The following KCNG3 variants were observed in gnomAD, a reference collection of about 807,000 sequenced individuals.
KCNG3 encodes voltage-gated potassium channel regulatory subunit KCNG3.
Under a neutral mutation model 29.0 loss-of-function variants are expected in KCNG3, and 15 were observed. The ratio of observed to expected loss-of-function variants is 0.52; its 90% CI spans 0.35 to 0.80. The LOEUF (loss-of-function observed/expected upper bound fraction) is 0.80, where lower values mean the gene tolerates loss of function less well. Among genes scored for constraint, KCNG3 ranks in the 30% least tolerant of loss-of-function variants. The pLI, the probability that KCNG3 is intolerant of heterozygous loss-of-function variation, is 0.01. For synonymous variants in KCNG3, 322 were observed against 248.9 expected, an observed-to-expected ratio of 1.29 and a Z score of -2.76; for missense variants, 512 against 605.7, an observed-to-expected ratio of 0.85 and a Z score of 1.62.
intron 1 of KCNG3, among the ~76,000 whole-genome samples, chr2:42,480,019 T>A (rs1185545027): frequency 6.6e-6 from 1 of 152,074 alleles, no homozygotes; most frequent in Non-Finnish European, 1.5e-5. Context: ...CTGTCTCAAA[T>A]TAGAAAACAA....
chr2:42,459,227 G>C (rs905420800), intron 1 of KCNG3, among the ~76,000 whole-genome samples: 1 of 150,768 alleles, frequency 6.6e-6, no homozygotes, highest in Non-Finnish European at 1.5e-5. Context: ...GAGAGAGTGA[G>C]AAGACAGAAT....
At chr2:42,433,567 C>T in the KCNG3 span, among the ~76,000 whole-genome samples, 2 of 151,968 alleles carry the variant, frequency 1.3e-5, no homozygotes, top group African/African-American at 4.8e-5. Flanking sequence ...GGTGAAATCC[C>T]GTCTCTACTA....
chr2:42,432,916 G>A, the KCNG3 span, among the ~76,000 whole-genome samples: 86,835 of 146,324 alleles, frequency 0.59, 25,897 homozygotes, highest in East Asian at 0.73. Flanking sequence ...AAAACACAGA[G>A]TCAATATGCT....
At chr2:42,458,464 C>T (rs1672931915) in intron 1 of KCNG3, among the ~76,000 whole-genome samples, 1 of 151,692 alleles carries the variant, frequency 6.6e-6, no homozygotes, top group South Asian at 2.1e-4. Flanking sequence ...GGACTGATGA[C>T]CCCCTACAAA....
At chr2:42,429,581 G>C in the KCNG3 span, among the ~76,000 whole-genome samples, 1 of 152,208 alleles carries the variant, frequency 6.6e-6, no homozygotes, top group African/African-American at 2.4e-5. Context: ...TGGTGGGCCA[G>C]GGTGTGACAC....
chr2:42,475,666 T>A (rs1460140106), intron 1 of KCNG3, among the ~76,000 whole-genome samples: 1 of 149,260 alleles, frequency 6.7e-6, no homozygotes, highest in African/African-American at 2.5e-5. Context: ...AAAAAAAAAA[T>A]TCCTGTGACT....
intron 1 of KCNG3, among the ~76,000 whole-genome samples, chr2:42,465,472 C>T (rs1673120398): frequency 6.6e-6 from 1 of 152,154 alleles, no homozygotes; most frequent in African/African-American, 2.4e-5. Context: ...CCACCTCAGC[C>T]TCCCAAAGTG....
intron 1 of KCNG3, among the ~76,000 whole-genome samples, chr2:42,470,789 T>A (rs1673265818): frequency 6.6e-6 from 1 of 151,918 alleles, no homozygotes; most frequent in Non-Finnish European, 1.5e-5. Flanking sequence ...CATGGGAGGC[T>A]GAGGCTGCAG....
chr2:42,461,408 C>A (rs1275012653), intron 1 of KCNG3, among the ~76,000 whole-genome samples: 1 of 152,042 alleles, frequency 6.6e-6, no homozygotes. Flanking sequence ...AGATTTCTGA[C>A]TGACCCAGAA....
intron 1 of KCNG3, among the ~76,000 whole-genome samples, chr2:42,458,334 G>A (rs933167939): frequency 1.1e-4 from 17 of 152,174 alleles, no homozygotes; most frequent in Admixed American, 4.6e-4. Context: ...AGGAACATGC[G>A]CCCTTGCCTG....
chr2:42,483,324 G>C (rs564290630), intron 1 of KCNG3, among the ~76,000 whole-genome samples: 4 of 152,290 alleles, frequency 2.6e-5, no homozygotes, highest in African/African-American at 7.2e-5. Flanking sequence ...ATCAAAAAAT[G>C]TTTAAAGCAC....
chr2:42,484,874 A>C (rs1380289439), intron 1 of KCNG3, among the ~76,000 whole-genome samples: 1 of 152,222 alleles, frequency 6.6e-6, no homozygotes, highest in Non-Finnish European at 1.5e-5. Flanking sequence ...AAAGAACAGA[A>C]TTTAACTGAG....
chr2:42,417,916 G>A, the KCNG3 span, among the ~76,000 whole-genome samples: 2 of 151,936 alleles, frequency 1.3e-5, no homozygotes, highest in Admixed American at 1.3e-4. Context: ...GGGTTGCAGT[G>A]AGCTGAGATC....
chr2:42,420,808 A>G, the KCNG3 span, among the ~76,000 whole-genome samples: 1 of 152,140 alleles, frequency 6.6e-6, no homozygotes, highest in Non-Finnish European at 1.5e-5. Context: ...AAAAAAAGAA[A>G]AAAGAAACCA....
At chr2:42,454,483 G>A (rs570476821) in intron 1 of KCNG3, among the ~76,000 whole-genome samples, 1 of 152,194 alleles carries the variant, frequency 6.6e-6, no homozygotes, top group Non-Finnish European at 1.5e-5. Flanking sequence ...AGGCCGAGGC[G>A]GGCAGATCAC....
At chr2:42,437,875 T>C (rs1029648457), downstream of KCNG3, among the ~76,000 whole-genome samples, 3 of 145,522 alleles carry the variant, frequency 2.1e-5, no homozygotes, top group Admixed American at 7.2e-5. Flanking sequence ...GAGGTGGAGA[T>C]TGTAGTGAGC....
chr2:42,439,234 G>A (rs1037379120), downstream of KCNG3, among the ~76,000 whole-genome samples: 1 of 142,612 alleles, frequency 7.0e-6, no homozygotes, highest in Non-Finnish European at 1.5e-5. Flanking sequence ...AAAATAAACT[G>A]TCAATTATAT....
the KCNG3 span, among the ~76,000 whole-genome samples, chr2:42,433,312 G>C: frequency 6.6e-6 from 1 of 152,316 alleles, no homozygotes; most frequent in South Asian, 2.1e-4. Context: ...AACTTGACTG[G>C]ATTAAGGAAT....
At chr2:42,469,788 C>T (rs965404303) in intron 1 of KCNG3, 3 of 179,000 alleles carry the variant, frequency 1.7e-5, no homozygotes, top group African/African-American at 7.0e-5. Flanking sequence ...TGTACAGCTT[C>T]TTCCTTTCGC....
Sources: allele counts gnomAD v4.1 joint callset (sites outside exome capture counted in the v4.1 genomes callset), GRCh38; gene constraint gnomAD v4.1.1; transcripts MANE v1.5; gene names NCBI Gene and HGNC (gene_info 2026-07-23, HGNC 2026-07-21).